The following MTCL1 variants were observed in gnomAD, a reference collection of about 807,000 sequenced individuals.
MTCL1 encodes microtubule cross-linking factor 1.
MTCL1 carries 79 observed loss-of-function variants against 141.4 expected under a neutral mutation model. The observed-to-expected ratio is 0.56, with a 90% CI of 0.47 to 0.67. The LOEUF is 0.67. Among genes scored for constraint, MTCL1 ranks in the 30% least tolerant of loss-of-function variants. MTCL1 has a pLI of 0.00. For missense variants in MTCL1, 2,177 were observed against 2,113.9 expected, an observed-to-expected ratio of 1.03 and a Z score of -0.59; for synonymous variants, 914 against 875.8, an observed-to-expected ratio of 1.04 and a Z score of -0.77.
At chr18:8,726,623 C>T (rs1344165793) in intron 4 of MTCL1, among the ~76,000 whole-genome samples, 1 of 152,010 alleles carries the variant, frequency 6.6e-6, no homozygotes, top group African/African-American at 2.4e-5. Context: ...GGCCCCACCT[C>T]CATAGAACAT....
At chr18:8,707,860 C>T (rs994801013) in intron 1 of MTCL1, among the ~76,000 whole-genome samples, 1 of 152,182 alleles carries the variant, frequency 6.6e-6, no homozygotes, top group Admixed American at 6.5e-5. Flanking sequence ...GAAATCAGAG[C>T]ACATTAACTG....
intron 4 of MTCL1, among the ~76,000 whole-genome samples, chr18:8,748,910 C>T (rs550853181): frequency 6.6e-6 from 1 of 152,114 alleles, no homozygotes; most frequent in South Asian, 2.1e-4. Flanking sequence ...ATCACAGTCA[C>T]CTAAGAGATT....
intron 8 of MTCL1, among the ~76,000 whole-genome samples, chr18:8,795,284 C>T (rs2075877420): frequency 6.6e-6 from 1 of 152,158 alleles, no homozygotes; most frequent in South Asian, 2.1e-4. Context: ...AAAAACAAAT[C>T]CCTTACTTGG....
chr18:8,732,008 C>T (rs1329372679), intron 4 of MTCL1, among the ~76,000 whole-genome samples: 1 of 152,320 alleles, frequency 6.6e-6, no homozygotes, highest in African/African-American at 2.4e-5. Context: ...TGTGTCCCGC[C>T]TCAAAATTTG....
intron 5 of MTCL1, among the ~76,000 whole-genome samples, chr18:8,780,065 T>G (rs2096527521): frequency 6.6e-6 from 1 of 152,168 alleles, no homozygotes; most frequent in South Asian, 2.1e-4. Flanking sequence ...GATAAGCACG[T>G]ATAACCTCCA....
At chr18:8,748,290 C>T (rs916110727) in intron 4 of MTCL1, among the ~76,000 whole-genome samples, 2 of 152,164 alleles carry the variant, frequency 1.3e-5, no homozygotes, top group East Asian at 1.9e-4. Context: ...TAAATATATT[C>T]GTATATTAGT....
At chr18:8,831,660 C>G in exon 17 of MTCL1, 1 of 1,550,606 alleles carries the variant, frequency 6.4e-7, no homozygotes, top group Non-Finnish European at 8.7e-7. Flanking sequence ...TCTCCAGGCC[C>G]GAGAGACCAG....
chr18:8,784,848 G>A lies in MTCL1; in HGVS notation c.1731+5G>A. The A allele has an allele frequency of 6.4e-7, 1 of 1,570,614 alleles. No homozygotes were observed. The highest frequency in any genetic ancestry group is 8.6e-7 in the Non-Finnish European group (1 of 1,157,074). On this transcript the variant is annotated splice_donor_5th_base_variant and intron_variant, in intron 6 of 16. Coordinates refer to ENST00000359865, the Ensembl canonical transcript of MTCL1. ...GAGCTGGGCCCAGACTTGCAGGTAA[G>A]GGGGCTCGTGGCTTCGCCTCCCTGC...
intron 4 of MTCL1, among the ~76,000 whole-genome samples, chr18:8,730,355 T>C (rs1045757075): frequency 5.9e-5 from 9 of 152,234 alleles, no homozygotes; most frequent in African/African-American, 2.2e-4. Flanking sequence ...GGATAAATAT[T>C]TGTTCCATGG....
rs151093938 is a variant in MTCL1, at chr18:8,801,995, G to A, written c.2436+3704G>A. The stretch of plus-strand genomic sequence containing the variant: ...GTCTGTCTTGAGTGGCCCATTCTCT[G>A]TAGGGGATAATGGTTTTTAGAAAAG... On this transcript the variant is annotated intron_variant, in intron 10 of 16. Coordinates refer to ENST00000359865, the Ensembl canonical transcript of MTCL1. 3.7e-4 allele frequency: 57 copies of A among 152,324 alleles called. 1 individual carries two copies. Among genetic ancestry groups the A allele is most frequent in the African/African-American group, 1.4e-3 (57 of 41,564 alleles). The allele number at this position is 152,324 out of a possible 1,614,324, so 9.4% of individuals were successfully genotyped here.
At chr18:8,721,176 T>C (rs1210418546) in intron 4 of MTCL1, among the ~76,000 whole-genome samples, 1 of 152,228 alleles carries the variant, frequency 6.6e-6, no homozygotes, top group African/African-American at 2.4e-5. Context: ...TCTTGGAAAA[T>C]GTCCTGCATG....
intron 11 of MTCL1, among the ~76,000 whole-genome samples, chr18:8,808,859 G>A (rs575867754): frequency 5.3e-5 from 8 of 152,338 alleles, no homozygotes; most frequent in South Asian, 2.1e-4. Flanking sequence ...TTATAACAGC[G>A]TGGAAAGTGC....
intron 4 of MTCL1, among the ~76,000 whole-genome samples, chr18:8,735,572 G>T (rs1246490045): frequency 6.6e-6 from 1 of 152,152 alleles, no homozygotes; most frequent in Non-Finnish European, 1.5e-5. Flanking sequence ...TAAAGGAGGA[G>T]GTTCAGGGGA....
chr18:8,749,990 A>G (rs535623515), intron 4 of MTCL1, among the ~76,000 whole-genome samples: 56 of 152,024 alleles, frequency 3.7e-4, no homozygotes, highest in African/African-American at 1.3e-3. Flanking sequence ...GGGAATATTA[A>G]AGTTGCTGTT....
At chr18:8,732,622 G>T (rs540245996) in intron 4 of MTCL1, among the ~76,000 whole-genome samples, 2 of 152,032 alleles carry the variant, frequency 1.3e-5, no homozygotes, top group African/African-American at 2.4e-5. Flanking sequence ...AAAATCATTC[G>T]CATTGAAAAG....
At chr18:8,751,808 T>C (rs1397082162) in intron 4 of MTCL1, among the ~76,000 whole-genome samples, 1 of 152,200 alleles carries the variant, frequency 6.6e-6, no homozygotes, top group Non-Finnish European at 1.5e-5. Flanking sequence ...ATGCTCTGAG[T>C]TGGGGCAGAT....
At chr18:8,731,900 G>A (rs944525242) in intron 4 of MTCL1, among the ~76,000 whole-genome samples, 1 of 151,634 alleles carries the variant, frequency 6.6e-6, no homozygotes, top group Admixed American at 6.6e-5. Flanking sequence ...GTAGAGACGG[G>A]GTTTCATTAT....
At chr18:8,787,715 A>T (rs2075568226) in intron 7 of MTCL1, among the ~76,000 whole-genome samples, 1 of 152,262 alleles carries the variant, frequency 6.6e-6, no homozygotes, top group Non-Finnish European at 1.5e-5. Context: ...CAGGAGTTTT[A>T]AGCAAACATC....
exon 13 of MTCL1, chr18:8,819,124 G>T (rs749359669): frequency 1.2e-6 from 2 of 1,614,088 alleles, no homozygotes; most frequent in Admixed American, 1.7e-5. Context: ...AAGACCGGCC[G>T]CTGTCCAAGC....
Sources: allele counts gnomAD v4.1 joint callset (sites outside exome capture counted in the v4.1 genomes callset), GRCh38; gene constraint gnomAD v4.1.1; transcripts MANE v1.5; gene names NCBI Gene and HGNC (gene_info 2026-07-23, HGNC 2026-07-21).